The following NOTCH1 variants were observed in gnomAD, a reference collection of about 807,000 sequenced individuals.
The protein encoded by NOTCH1 is notch receptor 1.
In NOTCH1, 37 loss-of-function variants were observed where a neutral mutation model predicts 254.8. The ratio of observed to expected loss-of-function variants is 0.15; its 90% CI spans 0.11 to 0.19. The LOEUF is 0.19. Ranked by LOEUF, NOTCH1 falls within the 10% of genes least tolerant of loss-of-function variation. NOTCH1 has a pLI of 1.00. For missense variants in NOTCH1, 2,972 were observed against 3,708.6 expected (o/e 0.80, Z 5.16); for synonymous variants, 1,731 against 1,618.1 (o/e 1.07, Z -1.68).
rs747702943 is a variant in NOTCH1 at position 136,496,497 on chromosome 9, T to C, written c.7242A>G (p.Pro2414=). Reference sequence around the variant, plus strand: ...AGCTCACGCCAAGGTGCGGCTGTGGTGGTGGTGGTGGCGGCTGCAGGCTTT... The same window carrying C: ...AGCTCACGCCAAGGTGCGGCTGTGGCGGTGGTGGTGGCGGCTGCAGGCTTT... The part of the protein sequence containing the change: ...QQQSLQPPPP[P]PQPHLGVSSA... Residue 2414 remains proline (P), a synonymous_variant, in exon 34 of 34, where the codon CCA becomes CCG. Transcript: ENST00000651671. 1.9e-6 allele frequency: 3 copies of C among 1,601,734 alleles called. No individual in the cohort carries two copies. The highest frequency in any genetic ancestry group is 2.5e-6 in the Non-Finnish European group (3 of 1,179,826).
Position 136,522,934 on chromosome 9 carries a change from C to A in NOTCH1, c.658G>T (p.Val220Leu), listed in dbSNP as rs754236791. 2 of 1,553,832 alleles carry A rather than the reference C, an allele frequency of 1.3e-6. No individual in the cohort carries two copies. The highest frequency in any genetic ancestry group is 4.8e-5 in the East Asian group (2 of 41,328). ...HTGPNCERPY[V>L]PCSPSPCQNG... The stretch of plus-strand genomic sequence containing the variant: ...TGGCAGGGCGAGGGGCTGCAGGGCA[C>A]GTAGGGCCGCTCGCAGTTGGGGCCA... The change falls in exon 4 of 34, where the codon GTG (valine) becomes TTG (leucine). Residue 220 changes from valine (V) to leucine (L), a missense_variant. Transcript: ENST00000651671.
Position 136,496,249 on chromosome 9 carries a change from G to GTGTT in NOTCH1, c.7486_7489dup (p.Thr2497LysfsTer11). ...AGGCACCTGTAGCTGGTGGCTGGGG[G>GTGTT]TGTTGTCCACAGGCGAGGAGTAGCT... is the stretch of plus-strand genomic sequence containing the variant. On this transcript the variant is annotated frameshift_variant, in exon 34 of 34. Coordinates refer to ENST00000651671, the MANE Select transcript of NOTCH1 (RefSeq NM_017617.5). LOFTEE classifies it high-confidence loss of function. 6.2e-7 allele frequency: 1 copy of GTGTT among 1,604,630 alleles called. No homozygotes were observed. Among genetic ancestry groups the GTGTT allele is most frequent in the Non-Finnish European group, 8.5e-7 (1 of 1,175,168 alleles).
At chr9:136,512,865 A>G (rs1292029080) in intron 15 of NOTCH1, among the ~76,000 whole-genome samples, 156 bp downstream of exon 15, 1 of 151,926 alleles carries the variant, frequency 6.6e-6, no homozygotes, top group African/African-American at 2.4e-5. Flanking sequence ...CCCCGCCCCA[A>G]GAAAGCCACC....
chr9:136,540,993 G>C lies in NOTCH1; in HGVS notation c.140+3031C>G, dbSNP rs1201631881. Among the ~76,000 whole-genome samples, 2 of 152,270 alleles carry C rather than the reference G, an allele frequency of 1.3e-5. No homozygotes were observed. The highest frequency in any genetic ancestry group is 3.4e-3 in the Middle Eastern group (1 of 294). Reference sequence around the variant, plus strand: ...TCTCCTCAAAACAAAGAGAAAAAAGGTGGAGCCCTCTTCAGTACCCCTTGC... The same window carrying C: ...TCTCCTCAAAACAAAGAGAAAAAAGCTGGAGCCCTCTTCAGTACCCCTTGC... On this transcript the variant is annotated intron_variant, in intron 2 of 33. Transcript: ENST00000651671. The surrounding 1 kb of genome is among the most constrained non-coding windows in gnomAD (Gnocchi z 4.4).
intron 17 of NOTCH1, 49 bp downstream of exon 17, chr9:136,510,604 T>C (rs936268498): frequency 6.3e-7 from 1 of 1,579,520 alleles, no homozygotes; most frequent in Non-Finnish European, 8.6e-7. Context: ...CCGGGGGAAC[T>C]GAGGCCTGAG....
chr9:136,522,523 C>T, intron 4 of NOTCH1: 2 of 362,544 alleles, frequency 5.5e-6, no homozygotes, highest in South Asian at 1.2e-4. Flanking sequence ...CCCAGCCCCA[C>T]TGCAGGGGAA....
rs752133245 is a variant in NOTCH1, at chr9:136,523,923, G to A, written c.197C>T (p.Thr66Ile). The change falls in exon 3 of 34, where the codon ACC becomes ATC. Residue 66 changes from threonine (T) to isoleucine (I), a missense_variant. Transcript: ENST00000651671. The part of the protein sequence containing the change: ...RCQDPNPCLS[T>I]PCKNAGTCHV... ...GCATGTCCCGGCGTTCTTGCAGGGG[G>A]TGCTGAGGCACGGGTTGGGGTCCTG... The A allele has an allele frequency of 4.1e-5, 66 of 1,595,996 alleles. No homozygotes were observed. In the South Asian group the frequency reaches 4.8e-4, roughly 12 times the overall value.
chr9:136,522,346 C>T (rs948479288), intron 4 of NOTCH1, among the ~76,000 whole-genome samples: 1 of 152,326 alleles, frequency 6.6e-6, no homozygotes, highest in South Asian at 2.1e-4. Flanking sequence ...ACAAGAACTA[C>T]AGCAGAGAGG....
intron 20 of NOTCH1, 46 bp downstream of exon 20, chr9:136,508,186 G>A (rs1843119813): frequency 6.2e-7 from 1 of 1,608,812 alleles, no homozygotes; most frequent in Admixed American, 1.7e-5. Context: ...GCCCACAGAG[G>A]ACCTTGATGG....
intron 2 of NOTCH1, among the ~76,000 whole-genome samples, chr9:136,539,410 A>C (rs533841839): frequency 1.3e-5 from 2 of 152,068 alleles, no homozygotes; most frequent in Admixed American, 1.3e-4. Flanking sequence ...TTTTTTTGAG[A>C]CAGAGTCTCA....
rs150834418 is a variant in NOTCH1 at position 136,516,103 on chromosome 9, G to A, written c.1556-9C>T. ...CAGATGCCCAGTGAAGCCTGGGGCC[G>A]GGGAGGGGAGGGGAGGGAGTCATGT... is the stretch of plus-strand genomic sequence containing the variant. On this transcript the variant is annotated splice_polypyrimidine_tract_variant and intron_variant, in intron 9 of 33. Coordinates refer to ENST00000651671, the MANE Select transcript of NOTCH1 (RefSeq NM_017617.5). 339 of 1,553,206 alleles carry A rather than the reference G, an allele frequency of 2.2e-4. No individual in the cohort carries two copies. Among genetic ancestry groups the A allele is most frequent in the East Asian group, 1.2e-3 (53 of 44,374 alleles).
rs772867940 is a variant in NOTCH1, at chr9:136,514,715, C to T, written c.2015-13G>A. On this transcript the variant is annotated splice_polypyrimidine_tract_variant and intron_variant, in intron 12 of 33. Coordinates refer to ENST00000651671, the MANE Select transcript of NOTCH1 (RefSeq NM_017617.5). ...TTACACATGCTCCCTAAGGGCAGGG[C>T]GGGTCAGACTCCGAGGCCCAGCGCC... is the stretch of plus-strand genomic sequence containing the variant. The T allele has an allele frequency of 2.0e-5, 33 of 1,610,404 alleles. No homozygotes were observed. The highest frequency in any genetic ancestry group is 8.9e-5 in the East Asian group (4 of 44,806).
In NOTCH1 at chr9:136,518,183, C is replaced by A; in HGVS notation, c.1209G>T (p.Gly403=). Reference sequence around the variant, plus strand: ...CCTGGCTGCAGGCCGGGCCCGTGTACCCCGAGGGGCAGGTGCAGATGGCCT... The same window carrying A: ...CCTGGCTGCAGGCCGGGCCCGTGTAACCCGAGGGGCAGGTGCAGATGGCCT... ...NGKAICTCPS[G]YTGPACSQDV... Residue 403 remains glycine (G), a synonymous_variant, in exon 7 of 34, where the codon GGG becomes GGT. Transcript: ENST00000651671. 6.2e-7 allele frequency: 1 copy of A among 1,602,510 alleles called. No individual in the cohort carries two copies. Among genetic ancestry groups the A allele is most frequent in the Non-Finnish European group, 8.5e-7 (1 of 1,175,038 alleles).
chr9:136,539,945 T>C (rs1259363350), intron 2 of NOTCH1, among the ~76,000 whole-genome samples: 2 of 152,196 alleles, frequency 1.3e-5, no homozygotes, highest in Non-Finnish European at 2.9e-5. Flanking sequence ...AGTCCGCTTG[T>C]AGTCGGGAAA....
chr9:136,510,015 G>A (rs373088012), intron 17 of NOTCH1, 54 bp from the exon 18 acceptor site: 68 of 1,529,564 alleles, frequency 4.4e-5, no homozygotes, highest in Admixed American at 3.5e-4. Context: ...CCACACCTGC[G>A]GGAGGGGGCC....
rs34152221 is a variant in NOTCH1 at position 136,496,224 on chromosome 9, A to C, written c.7515T>G (p.Pro2505=). Residue 2505 remains proline, a synonymous_variant, in exon 34 of 34, where the codon CCT becomes CCG. Transcript: ENST00000651671. ...DNTPSHQLQV[P]EHPFLTPSPE... ...GGGACGGGGTGAGGAAGGGGTGCTC[A>C]GGCACCTGTAGCTGGTGGCTGGGGG... 1.8e-3 allele frequency: 2,850 copies of C among 1,607,582 alleles called. 27 individuals carry two copies. In the African/African-American group the frequency reaches 0.029, roughly 16 times the overall value.
At chr9:136,524,264 C>A (rs950578002) in intron 2 of NOTCH1, among the ~76,000 whole-genome samples, 1 of 152,174 alleles carries the variant, frequency 6.6e-6, no homozygotes, top group Non-Finnish European at 1.5e-5. Context: ...CGAGATCACG[C>A]CACTGCACTC....
chr9:136,515,378 C>T lies in NOTCH1; in HGVS notation c.1926G>A (p.Leu642=), dbSNP rs2133362769. ...CGCAGGGGCTGCTGGCACAGTCATC[C>T]AGGTTGATCTCGCAGTTGGGTCCTG... ...GTTGPNCEIN[L]DDCASSPCDS... The change falls in exon 12 of 34, where the codon CTG becomes CTA. Residue 642 remains leucine, a synonymous_variant. Coordinates refer to ENST00000651671, the MANE Select transcript of NOTCH1 (RefSeq NM_017617.5). 6.2e-7 allele frequency: 1 copy of T among 1,613,020 alleles called. No individual in the cohort carries two copies. The highest frequency in any genetic ancestry group is 8.5e-7 in the Non-Finnish European group (1 of 1,179,990).
chr9:136,504,293 T>C (rs755588707), intron 26 of NOTCH1, among the ~76,000 whole-genome samples: 4 of 152,248 alleles, frequency 2.6e-5, no homozygotes, highest in Non-Finnish European at 4.4e-5. Flanking sequence ...TGCCTCAGCC[T>C]CCCAAAGTGC....
Sources: allele counts gnomAD v4.1 joint callset (sites outside exome capture counted in the v4.1 genomes callset), GRCh38; gene constraint gnomAD v4.1.1; non-coding constraint Gnocchi (gnomAD v3.1); transcripts MANE v1.5; gene names NCBI Gene and HGNC (gene_info 2026-07-23, HGNC 2026-07-21).